The following REC114 variants were observed in gnomAD, a reference collection of about 807,000 sequenced individuals.
REC114 encodes meiotic recombination protein REC114.
A neutral mutation model predicts 31.3 loss-of-function variants in REC114; 27 were observed. The ratio of observed to expected loss-of-function variants is 0.86; its 90% CI spans 0.64 to 1.19. The LOEUF (loss-of-function observed/expected upper bound fraction) is 1.19. Ranked by LOEUF, REC114 falls within the 50% of genes most tolerant of loss-of-function variation. The pLI is 0.00. For synonymous variants in REC114, 134 were observed against 127.7 expected, an observed-to-expected ratio of 1.05 and a Z score of -0.33; for missense variants, 344 against 326.9, an observed-to-expected ratio of 1.05 and a Z score of -0.40.
chr15:73,485,377 C>T (rs555643318), intron 2 of REC114, among the ~76,000 whole-genome samples: 10 of 152,278 alleles, frequency 6.6e-5, no homozygotes, highest in African/African-American at 2.2e-4. Context: ...CCACCGTGCC[C>T]GGCCAACTGT....
At chr15:73,478,374 G>A (rs1278729243) in intron 2 of REC114, among the ~76,000 whole-genome samples, 1 of 151,490 alleles carries the variant, frequency 6.6e-6, no homozygotes, top group Non-Finnish European at 1.5e-5. Flanking sequence ...TGAATTACCT[G>A]GGTATCATTG....
chr15:73,505,733 C>T (rs1271826346), intron 2 of REC114, among the ~76,000 whole-genome samples: 5 of 152,114 alleles, frequency 3.3e-5, no homozygotes, highest in African/African-American at 4.8e-5. Flanking sequence ...AGGATTTCAC[C>T]GTGTTAGCCA....
At chr15:73,540,006 C>G (rs548437715) in intron 2 of REC114, among the ~76,000 whole-genome samples, 3 of 152,206 alleles carry the variant, frequency 2.0e-5, no homozygotes, top group South Asian at 4.2e-4. Context: ...AGTAAACATT[C>G]AGTATCCAAA....
intron 2 of REC114, among the ~76,000 whole-genome samples, chr15:73,529,117 A>T (rs919839866): frequency 1.3e-5 from 2 of 151,294 alleles, no homozygotes; most frequent in African/African-American, 4.8e-5. Context: ...TTAGCTTTTT[A>T]TTTTTATTAT....
chr15:73,538,890 C>T (rs1894199772), intron 2 of REC114, among the ~76,000 whole-genome samples: 1 of 150,128 alleles, frequency 6.7e-6, no homozygotes, highest in South Asian at 2.1e-4. Context: ...TGTTTCCAAT[C>T]TTATGTTTAA....
chr15:73,448,543 C>G (rs976968412), intron 1 of REC114, among the ~76,000 whole-genome samples: 1 of 152,174 alleles, frequency 6.6e-6, no homozygotes, highest in African/African-American at 2.4e-5. Flanking sequence ...GACAGAGCAC[C>G]TGGAGGAAGG....
chr15:73,446,418 T>C (rs1235686860), intron 1 of REC114, among the ~76,000 whole-genome samples: 2 of 152,158 alleles, frequency 1.3e-5, no homozygotes, highest in African/African-American at 4.8e-5. Context: ...GGCAGGCGGA[T>C]CACCTGAGGT....
chr15:73,556,381 A>G lies in REC114; in HGVS notation c.626A>G (p.Gln209Arg). 1 of 1,613,474 alleles carries G rather than the reference A, an allele frequency of 6.2e-7. No individual in the cohort carries two copies. The highest frequency in any genetic ancestry group is 8.5e-7 in the Non-Finnish European group (1 of 1,179,584). Residue 209 changes from glutamine to arginine, a missense_variant, in exon 5 of 6, where the codon CAG becomes CGG. Coordinates refer to ENST00000331090, the MANE Select transcript of REC114 (RefSeq NM_001042367.2). The part of the protein sequence containing the change: ...GAPDGRTSLT[Q>R]LAQTLLASEE... Reference sequence around the variant, plus strand: ...CCAGACGGAAGGACCTCACTGACGCAGTTAGCTCAGGTAGAGCTTATTTCT... The same window carrying G: ...CCAGACGGAAGGACCTCACTGACGCGGTTAGCTCAGGTAGAGCTTATTTCT...
intron 1 of REC114, among the ~76,000 whole-genome samples, chr15:73,448,618 T>G (rs941015109): frequency 1.1e-4 from 17 of 152,212 alleles, no homozygotes; most frequent in African/African-American, 4.1e-4. Flanking sequence ...AAGAGAGCAG[T>G]GGATCTCCCA....
chr15:73,540,455 G>GTT, intron 2 of REC114, 30 bp from the exon 3 acceptor site: 1 of 1,527,324 alleles, frequency 6.5e-7, no homozygotes, highest in Non-Finnish European at 9.1e-7. Context: ...TTTTGTTTCT[G>GTT]TTGCTAATTT....
chr15:73,521,809 T>TC (rs879264041), intron 2 of REC114, among the ~76,000 whole-genome samples: 2 of 152,168 alleles, frequency 1.3e-5, no homozygotes, highest in Admixed American at 1.3e-4. Context: ...TAAGGAAACT[T>TC]GTTTCTGTTA....
intron 2 of REC114, among the ~76,000 whole-genome samples, chr15:73,494,319 C>T (rs1442576732): frequency 6.6e-6 from 1 of 151,940 alleles, no homozygotes; most frequent in Non-Finnish European, 1.5e-5. Flanking sequence ...GCCTGGTGAC[C>T]TGTCTCTACT....
At position 73,550,911 on chromosome 15, in the gene REC114, CATG is replaced by C. The variant is rs1393407078; in HGVS notation, c.334-24_334-22del. The C allele has an allele frequency of 1.9e-6, 3 of 1,605,698 alleles. No homozygotes were observed. In the South Asian group the frequency reaches 3.3e-5, roughly 18 times the overall value. On this transcript the variant is annotated intron_variant, in intron 3 of 5. Coordinates refer to ENST00000331090, the MANE Select transcript of REC114 (RefSeq NM_001042367.2). ...AAATAGTTATATGATGAGGGTCTCT[CATG>C]ATAACTTTTGATTTGTCAAACAGGA...
chr15:73,460,454 A>G (rs1252815177), intron 1 of REC114, among the ~76,000 whole-genome samples: 4 of 152,176 alleles, frequency 2.6e-5, no homozygotes, highest in African/African-American at 9.7e-5. Flanking sequence ...GCTTATTTCA[A>G]TATAGGTGTT....
At chr15:73,463,922 T>A (rs936272520) in intron 1 of REC114, among the ~76,000 whole-genome samples, 2 of 152,222 alleles carry the variant, frequency 1.3e-5, no homozygotes, top group Non-Finnish European at 2.9e-5. Context: ...AGGAATTTAA[T>A]CAGGATATGT....
intron 2 of REC114, among the ~76,000 whole-genome samples, chr15:73,520,071 T>C (rs968493025): frequency 1.7e-4 from 26 of 152,176 alleles, no homozygotes; most frequent in Admixed American, 1.7e-3. Flanking sequence ...TGAATGCATA[T>C]ATAATATCAC....
chr15:73,557,132 C>T lies in REC114; in HGVS notation c.636+741C>T, dbSNP rs1000326659. On this transcript the variant is annotated intron_variant, in intron 5 of 5. Transcript: ENST00000331090. ...CCCAGCAGGCTGGAGTGCAGTGGTG[C>T]GATCTTGGCTCACTGCAACCTCTGT... Among the ~76,000 whole-genome samples the T allele has an allele frequency of 4.6e-5, 7 of 150,592 alleles. No individual in the cohort carries two copies. In the East Asian group the frequency reaches 5.9e-4, roughly 13 times the overall value.
chr15:73,508,294 G>A (rs190894452), intron 2 of REC114, among the ~76,000 whole-genome samples: 1 of 152,138 alleles, frequency 6.6e-6, no homozygotes, highest in East Asian at 1.9e-4. Flanking sequence ...AATATATTGT[G>A]TGTTGATAAA....
intron 1 of REC114, among the ~76,000 whole-genome samples, chr15:73,460,312 AAG>A (rs1340385235): frequency 2.0e-5 from 3 of 152,148 alleles, no homozygotes; most frequent in Non-Finnish European, 4.4e-5. Flanking sequence ...AATGAGGCCC[AAG>A]AGTATTAAAA....
Sources: gnomAD v4.1 joint callset for allele counts (sites outside exome capture counted in the v4.1 genomes callset) on GRCh38, gnomAD v4.1.1 for gene constraint, MANE v1.5 for transcripts, NCBI Gene and HGNC (gene_info 2026-07-23, HGNC 2026-07-21) for gene names.